CDS1: variants seen among roughly 807,000 people sequenced by gnomAD.
The protein encoded by CDS1 is phosphatidate cytidylyltransferase 1.
In CDS1, 41 loss-of-function variants were observed where a neutral mutation model predicts 62.1. The observed-to-expected ratio is 0.66, with a 90% CI of 0.51 to 0.86. The LOEUF (loss-of-function observed/expected upper bound fraction) is 0.86. Among genes scored for constraint, CDS1 ranks in the 40% least tolerant of loss-of-function variants. CDS1 has a pLI of 0.00. For synonymous variants in CDS1, 185 were observed against 192.6 expected (o/e 0.96, Z 0.32); for missense variants, 470 against 550.1 (o/e 0.85, Z 1.46).
intron 6 of CDS1, among the ~76,000 whole-genome samples, chr4:84,632,649 A>G (rs1724059459): frequency 6.6e-6 from 1 of 152,216 alleles, no homozygotes; most frequent in Admixed American, 6.5e-5. Flanking sequence ...GAAACAAGAC[A>G]AGTAAAAATA....
At chr4:84,643,293 G>A (rs193107240) in intron 11 of CDS1, 150 bp downstream of exon 11, 82 of 644,126 alleles carry the variant, frequency 1.3e-4, no homozygotes, top group African/African-American at 1.3e-3. Flanking sequence ...ATGCTGCCAC[G>A]TTGATCTGAA....
chr4:84,607,031 T>A (rs1191693622), intron 2 of CDS1, among the ~76,000 whole-genome samples: 1 of 152,350 alleles, frequency 6.6e-6, no homozygotes, highest in African/African-American at 2.4e-5. Context: ...TTTTTAGTTC[T>A]GCCTCATGCT....
intron 1 of CDS1, among the ~76,000 whole-genome samples, chr4:84,598,051 G>C (rs528465861): frequency 2.0e-5 from 3 of 151,560 alleles, no homozygotes; most frequent in Non-Finnish European, 4.4e-5. Context: ...GCGTGAACCC[G>C]GGAGGCAGAG....
At position 84,617,624 on chromosome 4, in the gene CDS1, C is replaced by A; in HGVS notation, c.403C>A (p.His135Asn). Residue 135 changes from histidine (H) to asparagine (N), a missense_variant, in exon 4 of 13, where the codon CAT becomes AAT. His to Asn is a moderately conservative substitution (Grantham distance 68). This residue lies in a region of CDS1 where 34 missense variants were observed against 64.8 expected (regional missense o/e 0.52). Transcript: ENST00000295887. ...TATCACTATAGGTTATAGAGTCTAT[C>A]ATTCTTATGATCTACCATGGTTTAG... ...EIITIGYRVY[H>N]SYDLPWFRTL... The A allele has an allele frequency of 6.3e-7, 1 of 1,587,044 alleles. No individual in the cohort carries two copies. The highest frequency in any genetic ancestry group is 8.6e-7 in the Non-Finnish European group (1 of 1,159,298).
Position 84,640,948 on chromosome 4 carries a change from G to A in CDS1, c.990G>A (p.Gln330=). 1 of 1,609,634 alleles carries A rather than the reference G, an allele frequency of 6.2e-7. No individual in the cohort carries two copies. Among genetic ancestry groups the A allele is most frequent in the Non-Finnish European group, 8.5e-7 (1 of 1,178,312 alleles). The change falls in exon 10 of 13, where the codon CAG becomes CAA. Residue 330 remains glutamine, a synonymous_variant. Transcript: ENST00000295887. ...AGCCCTCAGAACTTTTCCAGCTTCA[G>A]ACTTACTCACTTCCACCCTTTCTAA... ...ECEPSELFQL[Q]TYSLPPFLKA... is the part of the protein sequence containing the mutation.
rs1189549034 is a variant in CDS1 at position 84,587,329 on chromosome 4, AC to A, written c.117+3813del. ...AATTCTGTATAGTTTTATAATAGTT[AC>A]CTTTTGGTCATTTCCTATCACACTT... On this transcript the variant is annotated intron_variant, in intron 1 of 12. Coordinates refer to ENST00000295887, the MANE Select transcript of CDS1 (RefSeq NM_001263.4). Among the ~76,000 whole-genome samples the A allele has an allele frequency of 3.9e-5, 6 of 152,316 alleles. No homozygotes were observed. In the East Asian group the frequency reaches 1.2e-3, roughly 29 times the overall value.
Position 84,609,490 on chromosome 4 carries a change from A to T in CDS1, c.307A>T (p.Ile103Phe). 2 of 1,609,366 alleles carry T rather than the reference A, an allele frequency of 1.2e-6. No homozygotes were observed. Among genetic ancestry groups the T allele is most frequent in the African/African-American group, 1.3e-5 (1 of 74,926 alleles). The change falls in exon 3 of 13, where the codon ATC (isoleucine) becomes TTC (phenylalanine). Residue 103 changes from isoleucine (I) to phenylalanine (F), a missense_variant. By Grantham distance (21) the Ile-to-Phe change is conservative. Transcript: ENST00000295887. ...AACTATGATCTCGTTGTTTTTCCTGATCATCTATATGGGATCCTTCATGCT... is the reference window on the plus strand; with the variant it reads ...AACTATGATCTCGTTGTTTTTCCTGTTCATCTATATGGGATCCTTCATGCT... ...TLTMISLFFL[I>F]IYMGSFMLML...
intron 12 of CDS1, among the ~76,000 whole-genome samples, chr4:84,647,593 CTT>C (rs1186295427): frequency 6.6e-6 from 1 of 152,094 alleles, no homozygotes; most frequent in African/African-American, 2.4e-5. Flanking sequence ...GTTGCTGACT[CTT>C]TTAAAGAAAT....
intron 3 of CDS1, 28 bp downstream of exon 3, chr4:84,609,553 C>T (rs778795741): frequency 8.0e-7 from 1 of 1,248,618 alleles, no homozygotes; most frequent in African/African-American, 1.5e-5. Flanking sequence ...CCCTGAGTGT[C>T]TCTTGCTTTG....
intron 5 of CDS1, among the ~76,000 whole-genome samples, chr4:84,630,978 A>G (rs892323431): frequency 6.6e-6 from 1 of 152,210 alleles, no homozygotes; most frequent in African/African-American, 2.4e-5. Context: ...ATTTTAGTAT[A>G]TGATTACTAG....
intron 1 of CDS1, among the ~76,000 whole-genome samples, chr4:84,597,850 G>A (rs1722799131): frequency 6.6e-6 from 1 of 152,080 alleles, no homozygotes; most frequent in Non-Finnish European, 1.5e-5. Context: ...AAGAAGGCCG[G>A]GTGCGGTGGC....
At chr4:84,644,543 G>A (rs553910772) in intron 11 of CDS1, among the ~76,000 whole-genome samples, 4 of 152,174 alleles carry the variant, frequency 2.6e-5, no homozygotes, top group Non-Finnish European at 2.9e-5. Context: ...AGCTATTGCT[G>A]TTGTAGTTTA....
chr4:84,607,918 T>C (rs540369277), intron 2 of CDS1, among the ~76,000 whole-genome samples: 2 of 152,304 alleles, frequency 1.3e-5, no homozygotes, highest in South Asian at 2.1e-4. Context: ...CATTTGTATA[T>C]AGGAGCATTC....
At chr4:84,599,351 C>T (rs1722847593) in intron 1 of CDS1, among the ~76,000 whole-genome samples, 1 of 143,368 alleles carries the variant, frequency 7.0e-6, no homozygotes, top group Non-Finnish European at 1.5e-5. Context: ...TTGGCAGGGA[C>T]AGAAACATTC....
chr4:84,623,081 A>G (rs1357887589), intron 5 of CDS1, among the ~76,000 whole-genome samples: 1 of 152,144 alleles, frequency 6.6e-6, no homozygotes, highest in Admixed American at 6.5e-5. Context: ...GTCAGATAGT[A>G]TATCAATTGC....
Position 84,650,937 on chromosome 4 carries a change from A to G in CDS1, c.*2251A>G, listed in dbSNP as rs753869754. On this transcript the variant is annotated 3_prime_UTR_variant, in exon 13 of 13. Transcript: ENST00000295887. Reference sequence around the variant, plus strand: ...AGAGGGCTTAAATTCCAATGTAGCAATGTGGTGGCAGACAAATGAAAAACT... The same window carrying G: ...AGAGGGCTTAAATTCCAATGTAGCAGTGTGGTGGCAGACAAATGAAAAACT... 7.2e-5 allele frequency: 11 copies of G among 152,168 alleles called. No individual in the cohort carries two copies. Among genetic ancestry groups the G allele is most frequent in the Non-Finnish European group, 1.2e-4 (8 of 68,020 alleles). 9.4% of individuals were successfully genotyped at this position (152,168 alleles called of 1,614,324 possible). A position where few individuals can be genotyped will look rare whatever the true frequency, so the allele number is the denominator to read the frequency against.
intron 1 of CDS1, among the ~76,000 whole-genome samples, chr4:84,595,222 T>G (rs1223042631): frequency 6.6e-6 from 1 of 152,092 alleles, no homozygotes; most frequent in Non-Finnish European, 1.5e-5. Context: ...TGCTTACTCC[T>G]TAGGAAAGAA....
intron 1 of CDS1, among the ~76,000 whole-genome samples, chr4:84,587,357 C>T (rs1722450982): frequency 6.6e-6 from 1 of 152,076 alleles, no homozygotes; most frequent in Admixed American, 6.5e-5. Context: ...ATCACACTTC[C>T]CAAAAATGAC....
intron 5 of CDS1, among the ~76,000 whole-genome samples, chr4:84,628,378 CT>C (rs1192215313): frequency 7.2e-5 from 11 of 152,138 alleles, no homozygotes. Context: ...ATTTTTGCAT[CT>C]TGTTTCTGGC....
Sources: allele counts gnomAD v4.1 joint callset (sites outside exome capture counted in the v4.1 genomes callset), GRCh38; gene constraint gnomAD v4.1.1; regional missense constraint gnomAD v4.1.1; transcripts MANE v1.5; gene names NCBI Gene and HGNC (gene_info 2026-07-23, HGNC 2026-07-21).